ZNF700: variants seen among roughly 807,000 people sequenced by gnomAD.
ZNF700 encodes zinc finger protein 700.
In ZNF700, 38 loss-of-function variants were observed where a neutral mutation model predicts 65.3. That is an observed-to-expected ratio of 0.58 (90% confidence interval 0.45 to 0.76). The LOEUF (loss-of-function observed/expected upper bound fraction) is 0.76, where lower values mean the gene tolerates loss of function less well. Ranked by LOEUF, ZNF700 falls within the 30% of genes least tolerant of loss-of-function variation. The pLI, the probability that ZNF700 is intolerant of heterozygous loss-of-function variation, is 0.00. For synonymous variants in ZNF700, 285 were observed against 290.4 expected (o/e 0.98, Z 0.19); for missense variants, 857 against 888.4 (o/e 0.96, Z 0.45).
rs150322939 is a variant in ZNF700, at chr19:11,946,545, C to T, written c.64-636C>T. On this transcript the variant is annotated intron_variant, in intron 1 of 3. Transcript: ENST00000254321. ...GTGGGGGGTCTAAAACCAGCTGTAA[C>T]TAAGTGTCTGTGTACAGGAACTTGT... 3.4e-3 allele frequency among the ~76,000 whole-genome samples: 523 copies of T among 152,242 alleles called. 3 individuals carry two copies. Among genetic ancestry groups the T allele is most frequent in the African/African-American group, 0.012 (487 of 41,552 alleles).
rs1195714636 is a variant in ZNF700, at chr19:11,929,338, A to G, written c.63+4065A>G. 6.1e-5 allele frequency among the ~76,000 whole-genome samples: 9 copies of G among 147,812 alleles called. No homozygotes were observed. In the South Asian group the frequency reaches 6.3e-4, roughly 10 times the overall value. ...GCCACCACACTCAGCTGATTTTTGT[A>G]TTTTTAGTAAAGACAGGGTTTTACC... On this transcript the variant is annotated intron_variant, in intron 1 of 3. Transcript: ENST00000254321.
In ZNF700 at chr19:11,925,127, G is replaced by C. The variant is rs1292589464; in HGVS notation, c.-84G>C. 13 of 1,537,186 alleles carry C rather than the reference G, an allele frequency of 8.5e-6. No individual in the cohort carries two copies. Among genetic ancestry groups the C allele is most frequent in the East Asian group, 2.3e-5 (1 of 42,826 alleles). ...GCTTTCCTCACCTTCCTCGCTGCGC[G>C]GGCGGCGGTTGGTAACCGGTCAGAC... On this transcript the variant is annotated 5_prime_UTR_variant, in exon 1 of 4. Coordinates refer to ENST00000254321, the MANE Select transcript of ZNF700 (RefSeq NM_144566.3).
intron 1 of ZNF700, among the ~76,000 whole-genome samples, chr19:11,932,545 C>T (rs1301967370): frequency 6.8e-6 from 1 of 147,844 alleles, no homozygotes; most frequent in Non-Finnish European, 1.5e-5. Context: ...ACGATAACTG[C>T]CTTACTTTTC....
chr19:11,946,503 C>T (rs762586172), intron 1 of ZNF700, among the ~76,000 whole-genome samples: 2 of 152,160 alleles, frequency 1.3e-5, no homozygotes, highest in African/African-American at 2.4e-5. Flanking sequence ...CTGCTGCTGC[C>T]TGTCCTCTCA....
intron 1 of ZNF700, among the ~76,000 whole-genome samples, chr19:11,931,975 C>T (rs1410953564): frequency 2.7e-5 from 4 of 147,442 alleles, no homozygotes; most frequent in Admixed American, 1.3e-4. Flanking sequence ...ATTAGCCAGG[C>T]GTGGTGGCAG....
At chr19:11,943,805 C>T (rs914639091) in intron 1 of ZNF700, among the ~76,000 whole-genome samples, 6 of 152,196 alleles carry the variant, frequency 3.9e-5, no homozygotes, top group Admixed American at 1.3e-4. Flanking sequence ...TTCTACAAGT[C>T]CAAATTTTAA....
Position 11,948,979 on chromosome 19 carries a change from A to C in ZNF700, c.955A>C (p.Ser319Arg). The C allele has an allele frequency of 6.2e-7, 1 of 1,608,224 alleles. No homozygotes were observed. The highest frequency in any genetic ancestry group is 1.1e-5 in the South Asian group (1 of 89,506). Residue 319 changes from serine (S) to arginine (R), a missense_variant, in exon 4 of 4, where the codon AGT becomes CGT. By Grantham distance (110) the Ser-to-Arg change is moderately radical (BLOSUM62 -1). Coordinates refer to ENST00000254321, the MANE Select transcript of ZNF700 (RefSeq NM_144566.3). ...ATGTGGAAAAGCATTTGCATATACC[A>C]GTTCTCTTCGTAGACATGAAAGGAC... ...KECGKAFAYTSSLRRHERTHS... is the reference protein window; with the variant it reads ...KECGKAFAYTRSLRRHERTHS...
At chr19:11,941,508 C>T (rs1337787457) in intron 1 of ZNF700, among the ~76,000 whole-genome samples, 4 of 152,200 alleles carry the variant, frequency 2.6e-5, no homozygotes, top group African/African-American at 9.7e-5. Flanking sequence ...TACTGGGGGA[C>T]CCAGTACACC....
At position 11,925,284 on chromosome 19, in the gene ZNF700, G is replaced by T. The variant is rs764295794; in HGVS notation, c.63+11G>T. On this transcript the variant is annotated intron_variant, in intron 1 of 3. Transcript: ENST00000254321. ...GAAAGCCGGGAAATGGTGCGTGTGC[G>T]GGACCAGATGTCGTGAGACGGGGGA... The T allele has an allele frequency of 1.2e-5, 19 of 1,611,438 alleles. No homozygotes were observed. The highest frequency in any genetic ancestry group is 1.6e-5 in the Non-Finnish European group (19 of 1,178,412).
chr19:11,942,297 A>G, intron 1 of ZNF700, among the ~76,000 whole-genome samples: 1 of 151,682 alleles, frequency 6.6e-6, no homozygotes, highest in East Asian at 1.9e-4. Context: ...CAAAGATTAC[A>G]CTTTGGGAAC....
chr19:11,941,391 G>A (rs1042472946), intron 1 of ZNF700, among the ~76,000 whole-genome samples: 1 of 152,236 alleles, frequency 6.6e-6, no homozygotes, highest in African/African-American at 2.4e-5. Flanking sequence ...AGCCCATGGA[G>A]GAGGTGGGAG....
chr19:11,948,149 C>A (rs75025831), intron 3 of ZNF700, 127 bp from the exon 4 acceptor site: 4 of 1,128,276 alleles, frequency 3.5e-6, no homozygotes. Context: ...CACCTTCAAA[C>A]GATTCAGACA....
intron 1 of ZNF700, chr19:11,946,861 G>A (rs1239065916): frequency 2.6e-5 from 7 of 268,928 alleles, no homozygotes; most frequent in South Asian, 6.0e-5. Flanking sequence ...TCACTCACGC[G>A]TGGTGGTACA....
At chr19:11,927,532 A>G (rs1191994464) in intron 1 of ZNF700, among the ~76,000 whole-genome samples, 2 of 152,142 alleles carry the variant, frequency 1.3e-5, no homozygotes, top group Non-Finnish European at 2.9e-5. Context: ...CAAGTGGAGG[A>G]ACGTACTGTC....
In ZNF700 at chr19:11,949,410, A is replaced by G. The variant is rs1264374560; in HGVS notation, c.1386A>G (p.Arg462=). The change falls in exon 4 of 4, where the codon CGA becomes CGG. Residue 462 remains arginine (R), a synonymous_variant. Coordinates refer to ENST00000254321, the MANE Select transcript of ZNF700 (RefSeq NM_144566.3). ...GKAFRSTSHL[R]VHGRTHTGEK... ...CCTTCAGATCTACCTCACACCTTCG[A>G]GTGCATGGTAGGACTCATACTGGAG... The G allele has an allele frequency of 6.2e-7, 1 of 1,613,666 alleles. No homozygotes were observed. The highest frequency in any genetic ancestry group is 1.1e-5 in the South Asian group (1 of 91,042).
At chr19:11,933,533 C>G (rs1002735666) in intron 1 of ZNF700, among the ~76,000 whole-genome samples, 1 of 147,716 alleles carries the variant, frequency 6.8e-6, no homozygotes, top group Non-Finnish European at 1.5e-5. Flanking sequence ...TCCCCTCCCT[C>G]TTCTGCCACC....
chr19:11,936,754 G>T (rs1255242786), intron 1 of ZNF700, among the ~76,000 whole-genome samples: 1 of 152,136 alleles, frequency 6.6e-6, no homozygotes, highest in African/African-American at 2.4e-5. Context: ...TAGTCATGAA[G>T]TCCTTGCCCA....
Position 11,948,924 on chromosome 19 carries a change from C to G in ZNF700, c.900C>G (p.His300Gln). 6.2e-7 allele frequency: 1 copy of G among 1,607,092 alleles called. No homozygotes were observed. Among genetic ancestry groups the G allele is most frequent in the Non-Finnish European group, 8.5e-7 (1 of 1,178,522 alleles). Residue 300 changes from histidine (H) to glutamine (Q), a missense_variant, in exon 4 of 4, where the codon CAC becomes CAG. Transcript: ENST00000254321. ...SSSYHRHERSHMGEKPYQCKE... is the reference protein window; with the variant it reads ...SSSYHRHERSQMGEKPYQCKE... Reference sequence around the variant, plus strand: ...CCTATCATAGACATGAAAGAAGTCACATGGGAGAGAAGCCTTATCAATGCA... The same window carrying G: ...CCTATCATAGACATGAAAGAAGTCAGATGGGAGAGAAGCCTTATCAATGCA...
At position 11,950,511 on chromosome 19, in the gene ZNF700, T is replaced by A; in HGVS notation, c.*258T>A. On this transcript the variant is annotated 3_prime_UTR_variant, in exon 4 of 4. Transcript: ENST00000254321. ...TTCCGTTTGATATCATGAAAGGACTTACACTGGAGTGAAACCCTATGAATG... is the reference window on the plus strand; with the variant it reads ...TTCCGTTTGATATCATGAAAGGACTAACACTGGAGTGAAACCCTATGAATG... 1.7e-6 allele frequency: 1 copy of A among 582,438 alleles called. No individual in the cohort carries two copies. The highest frequency in any genetic ancestry group is 3.2e-6 in the Non-Finnish European group (1 of 309,446). The allele number at this position is 582,438 out of a possible 1,614,324, so 36.1% of individuals were successfully genotyped here. A position where few individuals can be genotyped will look rare whatever the true frequency, so the allele number is the denominator to read the frequency against.
Sources: gnomAD v4.1 joint callset for allele counts (sites outside exome capture counted in the v4.1 genomes callset) on GRCh38, gnomAD v4.1.1 for gene constraint, MANE v1.5 for transcripts, NCBI Gene and HGNC (gene_info 2026-07-23, HGNC 2026-07-21) for gene names.